Variants in FAT3 observed in about 807,000 individuals in gnomAD.
FAT3 encodes protocadherin Fat 3.
In FAT3, 95 loss-of-function variants were observed where a neutral mutation model predicts 310.2. The observed-to-expected ratio is 0.31, with a 90% confidence interval of 0.26 to 0.36. The LOEUF (loss-of-function observed/expected upper bound fraction) is 0.36, where lower values mean the gene tolerates loss of function less well. Ranked by LOEUF, FAT3 falls within the 10% of genes least tolerant of loss-of-function variation. The pLI, the probability that FAT3 is intolerant of heterozygous loss-of-function variation, is 1.00. For synonymous variants in FAT3, 2,314 were observed against 2,192.9 expected (o/e 1.06, Z -1.54); for missense variants, 5,408 against 5,715.6 (o/e 0.95, Z 1.74).
chr11:92,342,545 G>A (rs550386997), intron 1 of FAT3, among the ~76,000 whole-genome samples: 3 of 152,236 alleles, frequency 2.0e-5, no homozygotes, highest in African/African-American at 4.8e-5. Flanking sequence ...AAAATCCATT[G>A]TGTCAGACTG....
intron 1 of FAT3, among the ~76,000 whole-genome samples, chr11:92,294,420 A>G (rs1265875032): frequency 1.3e-5 from 2 of 152,062 alleles, no homozygotes; most frequent in East Asian, 3.9e-4. Context: ...AAACACTGCT[A>G]GGTGCTGACT....
chr11:92,516,139 G>C (rs990545707), intron 2 of FAT3, among the ~76,000 whole-genome samples: 2 of 152,112 alleles, frequency 1.3e-5, no homozygotes, highest in African/African-American at 4.8e-5. Flanking sequence ...CTCATGTTAT[G>C]AGGCCAGCAT....
chr11:92,616,807 ACT>A (rs1435821648), intron 3 of FAT3, among the ~76,000 whole-genome samples: 2 of 152,016 alleles, frequency 1.3e-5, no homozygotes, highest in East Asian at 1.9e-4. Flanking sequence ...ATTGGGCCTC[ACT>A]CTCTACTGGC....
At chr11:92,529,690 A>G (rs1954001417) in intron 3 of FAT3, among the ~76,000 whole-genome samples, 1 of 152,172 alleles carries the variant, frequency 6.6e-6, no homozygotes, top group Non-Finnish European at 1.5e-5. Flanking sequence ...GGATTAGCAT[A>G]TGCTGCATTG....
At chr11:92,540,870 A>G (rs1954426975) in intron 3 of FAT3, among the ~76,000 whole-genome samples, 1 of 152,044 alleles carries the variant, frequency 6.6e-6, no homozygotes, top group South Asian at 2.1e-4. Context: ...GCTAAAGGAA[A>G]GTGGGTGGAT....
intron 1 of FAT3, among the ~76,000 whole-genome samples, chr11:92,311,839 C>T (rs148683504): frequency 1.8e-3 from 268 of 152,272 alleles, no homozygotes; most frequent in African/African-American, 6.1e-3. Context: ...CATTCAGTCT[C>T]CCCTGGTTTA....
rs879494756 is a variant in FAT3, at chr11:92,225,134, G to A, written c.-58G>A. Among the ~76,000 whole-genome samples, 9 of 152,166 alleles carry A rather than the reference G, an allele frequency of 5.9e-5. No individual in the cohort carries two copies. Among genetic ancestry groups the A allele is most frequent in the Non-Finnish European group, 1.0e-4 (7 of 68,026 alleles). ...GCACCGGGTGAAGAAGACCACGGGGGAGGCGCCTCGTAGAGCCGTGGATCG... is the reference window on the plus strand; with the variant it reads ...GCACCGGGTGAAGAAGACCACGGGGAAGGCGCCTCGTAGAGCCGTGGATCG... On this transcript the variant is annotated 5_prime_UTR_variant, in exon 1 of 28. Transcript: ENST00000525166.
At chr11:92,779,403 A>G (rs1402464006) in intron 7 of FAT3, among the ~76,000 whole-genome samples, 2 of 152,126 alleles carry the variant, frequency 1.3e-5, no homozygotes, top group Non-Finnish European at 2.9e-5. Context: ...AGAAAAGCCT[A>G]CTGGAATCAT....
At chr11:92,348,651 T>C (rs1018999020) in intron 1 of FAT3, among the ~76,000 whole-genome samples, 4 of 152,200 alleles carry the variant, frequency 2.6e-5, no homozygotes, top group Non-Finnish European at 5.9e-5. Context: ...ACTAATTCAA[T>C]TGAAGCGTGT....
chr11:92,583,886 G>A (rs1938981393), intron 3 of FAT3, among the ~76,000 whole-genome samples: 1 of 147,936 alleles, frequency 6.8e-6, no homozygotes, highest in Admixed American at 6.7e-5. Context: ...AACGAGAGAG[G>A]GAGCAGATGA....
At chr11:92,581,673 A>G (rs111742780) in intron 3 of FAT3, among the ~76,000 whole-genome samples, 3 of 152,126 alleles carry the variant, frequency 2.0e-5, no homozygotes, top group African/African-American at 7.2e-5. Context: ...ATTATGCCAT[A>G]AACTTCTTAT....
chr11:92,798,836 A>T lies in FAT3; in HGVS notation c.5823A>T (p.Ile1941=). The part of the protein sequence containing the change: ...LIDSNSGVLT[I]KNNNLSKDHY... Reference sequence around the variant, plus strand: ...ACTCAAACAGTGGAGTACTTACCATAAAAAACAACAACCTCTCCAAGGATC... The same window carrying T: ...ACTCAAACAGTGGAGTACTTACCATTAAAAACAACAACCTCTCCAAGGATC... Residue 1941 remains isoleucine (I), a synonymous_variant, in exon 10 of 28, where the codon ATA becomes ATT. Transcript: ENST00000525166. The T allele has an allele frequency of 1.9e-6, 3 of 1,613,912 alleles. No individual in the cohort carries two copies. Among genetic ancestry groups the T allele is most frequent in the Middle Eastern group, 3.3e-4 (2 of 6,058 alleles).
chr11:92,883,323 C>T lies in FAT3; in HGVS notation c.12867C>T (p.Leu4289=), dbSNP rs750783167. The change falls in exon 24 of 28, where the codon CTC becomes CTT. Residue 4289 remains leucine (L), a synonymous_variant. Transcript: ENST00000525166. This position sits in a 1 kb window ranked among gnomAD's most constrained non-coding sequence, Gnocchi z 4.2. The stretch of plus-strand genomic sequence containing the variant: ...TCGTGTGCAGTGTGGCCCCCAACCT[C>T]CCCGCCGTGTCACCCTGCCGCTCCG... ...GVVVCSVAPN[L]PAVSPCRSDC... 7.4e-6 allele frequency: 12 copies of T among 1,611,512 alleles called. No homozygotes were observed. In the South Asian group the frequency reaches 1.2e-4, roughly 16 times the overall value.
chr11:92,725,924 A>T (rs1443530265), intron 4 of FAT3, among the ~76,000 whole-genome samples: 2 of 151,922 alleles, frequency 1.3e-5, no homozygotes, highest in African/African-American at 4.8e-5. Flanking sequence ...ATTTTTTTTT[A>T]GTTTTTAAAA....
At chr11:92,828,451 T>G (rs1261164467) in intron 13 of FAT3, among the ~76,000 whole-genome samples, 3 of 152,136 alleles carry the variant, frequency 2.0e-5, no homozygotes, top group Non-Finnish European at 4.4e-5. Context: ...TTTAGCAGGT[T>G]TTTTGTCCTG....
rs1317703684 is a variant in FAT3, at chr11:92,697,367, T to C, written c.3608-17T>C. The C allele has an allele frequency of 6.2e-7, 1 of 1,612,608 alleles. No individual in the cohort carries two copies. The highest frequency in any genetic ancestry group is 2.2e-5 in the East Asian group (1 of 44,810). On this transcript the variant is annotated splice_polypyrimidine_tract_variant and intron_variant, in intron 3 of 27. Coordinates refer to ENST00000525166, the MANE Select transcript of FAT3 (RefSeq NM_001367949.2). ...GCCCCAGATATTTAAAAGTCAAATA[T>C]TCTCATTTCTACACAGGTCTGATTA... is the stretch of plus-strand genomic sequence containing the variant.
At chr11:92,250,220 T>G (rs181855253) in intron 1 of FAT3, among the ~76,000 whole-genome samples, 221 of 152,302 alleles carry the variant, frequency 1.5e-3, no homozygotes, top group African/African-American at 5.1e-3. Context: ...TTTTAGCATC[T>G]AAGTTTTTAA....
intron 1 of FAT3, among the ~76,000 whole-genome samples, chr11:92,311,645 A>G (rs1565218123): frequency 6.6e-6 from 1 of 152,244 alleles, no homozygotes; most frequent in Non-Finnish European, 1.5e-5. Context: ...AGAGACAAGA[A>G]GCAATCTGGG....
chr11:92,590,123 T>C (rs1939353045), intron 3 of FAT3, among the ~76,000 whole-genome samples: 1 of 152,116 alleles, frequency 6.6e-6, no homozygotes, highest in South Asian at 2.1e-4. Flanking sequence ...GTGATTCAAG[T>C]ACTCAGTAGG....
Sources: allele counts gnomAD v4.1 joint callset (sites outside exome capture counted in the v4.1 genomes callset), GRCh38; gene constraint gnomAD v4.1.1; non-coding constraint Gnocchi (gnomAD v3.1); transcripts MANE v1.5; gene names NCBI Gene and HGNC (gene_info 2026-07-23, HGNC 2026-07-21).